Variants in RBPJ observed in about 807,000 individuals in gnomAD.
RBPJ encodes recombination signal binding protein for immunoglobulin kappa J region, also known as recombining binding protein suppressor of hairless.
Under a neutral mutation model 67.8 loss-of-function variants are expected in RBPJ, and 9 were observed. The observed-to-expected ratio is 0.13, with a 90% CI of 0.08 to 0.23. The LOEUF (loss-of-function observed/expected upper bound fraction) is 0.23. Among genes scored for constraint, RBPJ ranks in the 10% least tolerant of loss-of-function variants. RBPJ has a pLI of 1.00. For synonymous variants in RBPJ, 198 were observed against 203.3 expected (o/e 0.97, Z 0.22); for missense variants, 305 against 595.6 (o/e 0.51, Z 5.08).
the RBPJ span, among the ~76,000 whole-genome samples, chr4:26,145,012 C>T: frequency 6.6e-6 from 1 of 151,252 alleles, no homozygotes; most frequent in Non-Finnish European, 1.5e-5. Context: ...CTCCCTCAAC[C>T]TGCCTTCTTC....
intron 1 of RBPJ, among the ~76,000 whole-genome samples, chr4:26,244,315 G>GTCTA (rs1553852732): frequency 0.08 from 32 of 402 alleles, 7 homozygotes; most frequent in South Asian, 0.33. Context: ...ACATATGTGT[G>GTCTA]TATATGTATA....
chr4:26,121,198 T>C, the RBPJ span, among the ~76,000 whole-genome samples: 2 of 152,084 alleles, frequency 1.3e-5, no homozygotes, highest in Non-Finnish European at 2.9e-5. Context: ...CAGAAGCAAA[T>C]ATTTAATCTC....
the RBPJ span, among the ~76,000 whole-genome samples, chr4:26,155,974 C>A: frequency 6.6e-6 from 1 of 152,112 alleles, no homozygotes; most frequent in African/African-American, 2.4e-5. Flanking sequence ...ACATACATCA[C>A]TGAGAGGCAG....
At chr4:26,215,152 G>A (rs1718643318) in intron 1 of RBPJ, among the ~76,000 whole-genome samples, 2 of 136,472 alleles carry the variant, frequency 1.5e-5, no homozygotes, top group Admixed American at 7.4e-5. Flanking sequence ...GATGGAGGGA[G>A]GGAGAGAAGG....
chr4:26,221,810 C>G (rs952749386), intron 1 of RBPJ, among the ~76,000 whole-genome samples: 2 of 152,132 alleles, frequency 1.3e-5, no homozygotes, highest in Admixed American at 1.3e-4. Flanking sequence ...GAGAATAATT[C>G]AAATGTTCCT....
intron 1 of RBPJ, among the ~76,000 whole-genome samples, chr4:26,287,534 C>A (rs1721508844): frequency 7.6e-6 from 1 of 131,210 alleles, no homozygotes; most frequent in Non-Finnish European, 1.6e-5. Context: ...GCTTGGCTGA[C>A]AAAGTGAGAC....
intron 1 of RBPJ, among the ~76,000 whole-genome samples, chr4:26,333,294 A>T (rs1370485836): frequency 6.6e-6 from 1 of 152,206 alleles, no homozygotes; most frequent in African/African-American, 2.4e-5. Flanking sequence ...TATTTTAAAA[A>T]TTTCAGTAGT....
Position 26,347,743 on chromosome 4 carries a change from C to T in RBPJ, c.20+26695C>T, listed in dbSNP as rs140923441. Among the ~76,000 whole-genome samples, 951 of 152,180 alleles carry T rather than the reference C, an allele frequency of 6.2e-3. 5 individuals carry two copies. The highest frequency in any genetic ancestry group is 0.01 in the Non-Finnish European group (713 of 68,008). ...TTAGATGCTTATTGGAAGGAACACACGAAGAGGGAAGAGATGAAACTTTTA... is the reference window on the plus strand; with the variant it reads ...TTAGATGCTTATTGGAAGGAACACATGAAGAGGGAAGAGATGAAACTTTTA... On this transcript the variant is annotated intron_variant, in intron 1 of 10. Transcript: ENST00000355476.
chr4:26,269,954 T>C (rs948682106), intron 1 of RBPJ, among the ~76,000 whole-genome samples: 1 of 151,894 alleles, frequency 6.6e-6, no homozygotes, highest in Non-Finnish European at 1.5e-5. Flanking sequence ...GAATCTGGCT[T>C]ATAGGGTAAA....
chr4:26,316,308 T>A (rs1722610373), upstream of RBPJ, among the ~76,000 whole-genome samples: 1 of 147,744 alleles, frequency 6.8e-6, no homozygotes, highest in Non-Finnish European at 1.5e-5. Context: ...CATATATACA[T>A]TCATATATAC....
chr4:26,315,167 A>AAAAAAAT (rs1325689348), upstream of RBPJ, among the ~76,000 whole-genome samples: 254 of 74,600 alleles, frequency 3.4e-3, no homozygotes, highest in Non-Finnish European at 5.0e-3. Flanking sequence ...AAAAAAAAAA[A>AAAAAAAT]ATATATATAT....
rs1165233254 is a variant in RBPJ at position 26,244,254 on chromosome 4, T to C, written c.-167+80640T>C. Among the ~76,000 whole-genome samples the C allele has an allele frequency of 4.2e-5, 5 of 119,498 alleles. 1 individual carries two copies. Among genetic ancestry groups the C allele is most frequent in the African/African-American group, 1.5e-4 (4 of 26,620 alleles). The allele number at this position is 119,498 out of a possible 152,430, so 78.4% of individuals were successfully genotyped here. A position where few individuals can be genotyped will look rare whatever the true frequency, so the allele number is the denominator to read the frequency against. On this transcript the variant is annotated intron_variant, in intron 1 of 4. Transcript: ENST00000512351. ...ATATGTGTCTATATATGTGTACACA[T>C]ACACATATGTGTACACATATATGTG... is the stretch of plus-strand genomic sequence containing the variant.
intron 1 of RBPJ, among the ~76,000 whole-genome samples, chr4:26,182,449 C>A (rs1454791138): frequency 3.3e-5 from 5 of 151,984 alleles, no homozygotes; most frequent in African/African-American, 1.2e-4. Flanking sequence ...TATCCTTATT[C>A]TAAAAGCTTT....
At chr4:26,318,082 G>GTT (rs142469301), upstream of RBPJ, among the ~76,000 whole-genome samples, 1 of 151,828 alleles carries the variant, frequency 6.6e-6, no homozygotes, top group Non-Finnish European at 1.5e-5. Context: ...TTTTAAGTCT[G>GTT]TTTTTTTGTG....
At chr4:26,132,000 A>G in the RBPJ span, among the ~76,000 whole-genome samples, 1 of 152,088 alleles carries the variant, frequency 6.6e-6, no homozygotes, top group Admixed American at 6.6e-5. Context: ...AGTGGTTTGG[A>G]GTATTATAGT....
intron 1 of RBPJ, among the ~76,000 whole-genome samples, chr4:26,369,035 C>T (rs754970492): frequency 6.6e-6 from 1 of 152,134 alleles, no homozygotes; most frequent in Non-Finnish European, 1.5e-5. Flanking sequence ...TTTGTTGACT[C>T]CTGTAACTCC....
At chr4:26,261,170 T>C (rs1402409256) in intron 1 of RBPJ, among the ~76,000 whole-genome samples, 6 of 151,358 alleles carry the variant, frequency 4.0e-5, no homozygotes, top group Non-Finnish European at 8.8e-5. Context: ...CTGCAGGAAA[T>C]AGAACAAGAT....
At chr4:26,285,406 T>C (rs1721430050) in intron 1 of RBPJ, among the ~76,000 whole-genome samples, 1 of 151,914 alleles carries the variant, frequency 6.6e-6, no homozygotes. Context: ...ACGCATATTA[T>C]CTCTACCCCA....
intron 1 of RBPJ, among the ~76,000 whole-genome samples, chr4:26,357,795 G>A (rs1727559050): frequency 6.6e-6 from 1 of 152,060 alleles, no homozygotes; most frequent in South Asian, 2.1e-4. Flanking sequence ...ACTACTCTAG[G>A]CACTTCATGT....
Sources: allele counts gnomAD v4.1 joint callset (sites outside exome capture counted in the v4.1 genomes callset), GRCh38; gene constraint gnomAD v4.1.1; transcripts MANE v1.5; gene names NCBI Gene and HGNC (gene_info 2026-07-23, HGNC 2026-07-21).